Variants in DPP10 observed in about 807,000 individuals in gnomAD.
DPP10 encodes inactive dipeptidyl peptidase 10.
Under a neutral mutation model 120.9 loss-of-function variants are expected in DPP10, and 33 were observed. The observed-to-expected ratio is 0.27, with a 90% CI of 0.21 to 0.37. The LOEUF (loss-of-function observed/expected upper bound fraction) is 0.37, where lower values mean the gene tolerates loss of function less well. DPP10 is among the 10% of genes least tolerant of loss of function. The probability of loss-of-function intolerance (pLI) is 1.00; values close to 1 mark genes in which losing one functional copy is unlikely to be tolerated. For synonymous variants in DPP10, 337 were observed against 326.1 expected (o/e 1.03, Z -0.36); for missense variants, 816 against 942.8 (o/e 0.87, Z 1.76).
intron 1 of DPP10, among the ~76,000 whole-genome samples, chr2:114,806,963 T>C (rs1684787019): frequency 6.6e-6 from 1 of 152,204 alleles, no homozygotes; most frequent in South Asian, 2.1e-4. Flanking sequence ...ATCCTTCCCA[T>C]TGAGTACAGA....
At chr2:114,918,412 A>G (rs971370384) in intron 1 of DPP10, among the ~76,000 whole-genome samples, 7 of 152,200 alleles carry the variant, frequency 4.6e-5, no homozygotes, top group African/African-American at 1.7e-4. Flanking sequence ...AATGAAAACA[A>G]TCTACCATTT....
At position 115,030,103 on chromosome 2, in the gene DPP10, T is replaced by C. The variant is rs544216147; in HGVS notation, c.61-279136T>C. Among the ~76,000 whole-genome samples the C allele has an allele frequency of 9.8e-4, 149 of 152,266 alleles. 1 individual carries two copies. In the Middle Eastern group the frequency reaches 0.02, roughly 21 times the overall value. On this transcript the variant is annotated intron_variant, in intron 1 of 25. Coordinates refer to ENST00000410059, the MANE Select transcript of DPP10 (RefSeq NM_020868.6). ...AGATACCTCAGGATCCTACCTAATA[T>C]GTTGTCTCTTCACCATGTCCTAGGG...
chr2:114,958,880 A>G (rs940047864), intron 1 of DPP10, among the ~76,000 whole-genome samples: 1 of 152,074 alleles, frequency 6.6e-6, no homozygotes, highest in East Asian at 1.9e-4. Context: ...GGCTTTTTAC[A>G]TTTTCCAGGG....
chr2:115,767,611 T>G (rs1680947924), intron 12 of DPP10, among the ~76,000 whole-genome samples: 2 of 151,956 alleles, frequency 1.3e-5, no homozygotes, highest in Admixed American at 1.3e-4. Flanking sequence ...TTTCATCATT[T>G]AATTTTCAAA....
At chr2:114,903,625 T>G (rs770257891) in intron 1 of DPP10, among the ~76,000 whole-genome samples, 2 of 152,232 alleles carry the variant, frequency 1.3e-5, no homozygotes, top group African/African-American at 2.4e-5. Flanking sequence ...TATCTCAAGA[T>G]GAATTTGGGG....
chr2:114,447,798 G>A (rs1169654353), intron 1 of DPP10, among the ~76,000 whole-genome samples: 5 of 152,154 alleles, frequency 3.3e-5, no homozygotes, highest in Non-Finnish European at 5.9e-5. Flanking sequence ...CATTCTAAGC[G>A]GTGATAGCTA....
chr2:114,551,357 A>T (rs968931959), intron 1 of DPP10, among the ~76,000 whole-genome samples: 1 of 152,110 alleles, frequency 6.6e-6, no homozygotes, highest in African/African-American at 2.4e-5. Context: ...TATATTCTCA[A>T]TGAGGTTGTA....
At chr2:115,240,917 A>G (rs62167281) in intron 1 of DPP10, among the ~76,000 whole-genome samples, 58,646 of 152,088 alleles carry the variant, frequency 0.39, 13,668 homozygotes, top group Non-Finnish European at 0.52. Context: ...TTTTCCTCTA[A>G]AGTTGTAATG....
At chr2:115,475,362 G>T (rs565348289) in intron 3 of DPP10, among the ~76,000 whole-genome samples, 3 of 152,208 alleles carry the variant, frequency 2.0e-5, no homozygotes, top group Non-Finnish European at 2.9e-5. Context: ...TCCAAGTGGT[G>T]TTAAGCCCAT....
intron 1 of DPP10, among the ~76,000 whole-genome samples, chr2:114,447,228 C>G (rs943280059): frequency 6.6e-6 from 1 of 151,908 alleles, no homozygotes; most frequent in Non-Finnish European, 1.5e-5. Context: ...ATCTCTTGAC[C>G]TCATTATCCA....
Position 115,509,643 on chromosome 2 carries a change from A to G in DPP10, c.366+10039A>G, listed in dbSNP as rs531618372. 1.3e-3 allele frequency among the ~76,000 whole-genome samples: 195 copies of G among 152,190 alleles called. 2 individuals are homozygous for G. The highest frequency in any genetic ancestry group is 4.6e-3 in the African/African-American group (190 of 41,554). On this transcript the variant is annotated intron_variant, in intron 4 of 25. Transcript: ENST00000410059. ...ATTGCGCCACTGCACTCCAGCCTGGACGACAGAGCAAGACTCTGTCTCAAA... is the reference window on the plus strand; with the variant it reads ...ATTGCGCCACTGCACTCCAGCCTGGGCGACAGAGCAAGACTCTGTCTCAAA...
At chr2:115,020,953 A>T (rs1405313916) in intron 1 of DPP10, among the ~76,000 whole-genome samples, 2 of 152,024 alleles carry the variant, frequency 1.3e-5, no homozygotes, top group African/African-American at 4.8e-5. Flanking sequence ...ATGAAAATTT[A>T]AAAAAATTTG....
chr2:115,353,101 A>T (rs1387952236), intron 3 of DPP10, among the ~76,000 whole-genome samples: 1 of 152,126 alleles, frequency 6.6e-6, no homozygotes, highest in African/African-American at 2.4e-5. Context: ...TAATTAGGTG[A>T]TCCATTTCTG....
At chr2:115,019,279 GA>G in intron 1 of DPP10, among the ~76,000 whole-genome samples, 1 of 151,920 alleles carries the variant, frequency 6.6e-6, no homozygotes, top group African/African-American at 2.4e-5. Context: ...AAATAAAATG[GA>G]AAAAAGAAAG....
At chr2:114,752,187 C>A (rs1679295445) in intron 1 of DPP10, among the ~76,000 whole-genome samples, 1 of 152,196 alleles carries the variant, frequency 6.6e-6, no homozygotes, top group Non-Finnish European at 1.5e-5. Flanking sequence ...TGAGCTGTCA[C>A]TACTCAGAAG....
intron 1 of DPP10, among the ~76,000 whole-genome samples, chr2:114,880,802 A>G (rs1691539813): frequency 6.6e-6 from 1 of 152,202 alleles, no homozygotes; most frequent in African/African-American, 2.4e-5. Flanking sequence ...TATGAATGAA[A>G]CAATGAGAGA....
At chr2:115,530,027 T>C (rs1676519585) in intron 5 of DPP10, among the ~76,000 whole-genome samples, 1 of 152,132 alleles carries the variant, frequency 6.6e-6, no homozygotes, top group South Asian at 2.1e-4. Flanking sequence ...ATAAACATAA[T>C]TATGGACCAG....
At chr2:115,279,655 C>CT (rs70941039) in intron 1 of DPP10, among the ~76,000 whole-genome samples, 20,675 of 42,404 alleles carry the variant, frequency 0.49, 7,829 homozygotes, top group Non-Finnish European at 0.58. Context: ...TTTTCTTCTT[C>CT]TTTTTTTTTT....
intron 3 of DPP10, among the ~76,000 whole-genome samples, chr2:115,498,999 A>G (rs2076547797): frequency 6.6e-6 from 1 of 152,080 alleles, no homozygotes; most frequent in African/African-American, 2.4e-5. Flanking sequence ...GAAAAAATTC[A>G]CAACCCAGAA....
Sources: gnomAD v4.1 joint callset for allele counts (sites outside exome capture counted in the v4.1 genomes callset) on GRCh38, gnomAD v4.1.1 for gene constraint, MANE v1.5 for transcripts, NCBI Gene and HGNC (gene_info 2026-07-23, HGNC 2026-07-21) for gene names.